HACE1: variants seen among roughly 807,000 people sequenced by gnomAD.
HACE1 encodes the protein HECT domain and ankyrin repeat containing E3 ubiquitin protein ligase 1, also known as E3 ubiquitin-protein ligase HACE1.
Under a neutral mutation model 118.4 loss-of-function variants are expected in HACE1, and 73 were observed. The observed-to-expected ratio is 0.62, with a 90% confidence interval of 0.51 to 0.75. The LOEUF (loss-of-function observed/expected upper bound fraction) is 0.75, where lower values mean the gene tolerates loss of function less well. Among genes scored for constraint, HACE1 ranks in the 30% least tolerant of loss-of-function variants. The pLI, the probability that HACE1 is intolerant of heterozygous loss-of-function variation, is 0.00. For synonymous variants in HACE1, 368 were observed against 374.8 expected (o/e 0.98, Z 0.21); for missense variants, 749 against 1,102.2 (o/e 0.68, Z 4.54).
chr6:104,744,577 C>T lies in HACE1; in HGVS notation c.2377G>A (p.Val793Met). 6.2e-7 allele frequency: 1 copy of T among 1,604,906 alleles called. No individual in the cohort carries two copies. The highest frequency in any genetic ancestry group is 8.5e-7 in the Non-Finnish European group (1 of 1,171,800). ...TCTGTATTTTTTATCCAATCACTCA[C>T]ATCAATTTCTGGCATGCCAGAAAGC... is the stretch of plus-strand genomic sequence containing the variant. ...LLLSGMPEID[V>M]SDWIKNTEYT... The change falls in exon 21 of 24, where the codon GTG (valine) becomes ATG (methionine). Residue 793 changes from valine to methionine, a missense_variant. Physicochemically the swap from Val to Met is conservative, Grantham distance 21 (BLOSUM62 1). Around this residue, in one of 5 missense-constraint regions of HACE1, gnomAD observed 165 missense variants for 229.9 expected, o/e 0.72. Coordinates refer to ENST00000262903, the MANE Select transcript of HACE1 (RefSeq NM_020771.4).
chr6:104,784,635 G>A, intron 12 of HACE1, 150 bp from the exon 13 acceptor site: 1 of 626,644 alleles, frequency 1.6e-6, no homozygotes, highest in Non-Finnish European at 2.8e-6. Context: ...TTAGGAAACT[G>A]AAGTATGCCT....
intron 6 of HACE1, among the ~76,000 whole-genome samples, chr6:104,829,547 A>C (rs1773653736): frequency 6.6e-6 from 1 of 152,188 alleles, no homozygotes; most frequent in African/African-American, 2.4e-5. Flanking sequence ...GATTCAGAAA[A>C]TAATCAGTGC....
At chr6:104,817,617 G>A (rs1402009793) in intron 6 of HACE1, among the ~76,000 whole-genome samples, 1 of 152,184 alleles carries the variant, frequency 6.6e-6, no homozygotes. Flanking sequence ...AGATGGAACT[G>A]ATAAACTATC....
At chr6:104,764,462 T>C (rs1008870981) in intron 19 of HACE1, among the ~76,000 whole-genome samples, 5 of 152,220 alleles carry the variant, frequency 3.3e-5, no homozygotes, top group Non-Finnish European at 7.3e-5. Flanking sequence ...GTCATTCTGC[T>C]GGATGGATTT....
chr6:104,783,125 G>A (rs1356748880), intron 14 of HACE1, among the ~76,000 whole-genome samples: 2 of 151,932 alleles, frequency 1.3e-5, no homozygotes, highest in East Asian at 1.9e-4. Context: ...CATACTTTTC[G>A]GTCTACATGC....
chr6:104,800,165 G>A (rs994830355), intron 7 of HACE1, among the ~76,000 whole-genome samples: 1 of 152,092 alleles, frequency 6.6e-6, no homozygotes, highest in Admixed American at 6.6e-5. Context: ...GGGGGTAGGG[G>A]CATCTGCCAT....
chr6:104,736,660 C>G (rs1355897369), intron 22 of HACE1, among the ~76,000 whole-genome samples: 2 of 152,046 alleles, frequency 1.3e-5, no homozygotes, highest in Non-Finnish European at 2.9e-5. Context: ...GTAATAATTC[C>G]TCGTTTTAGT....
chr6:104,742,750 G>T (rs967792064), intron 22 of HACE1, among the ~76,000 whole-genome samples: 1 of 151,962 alleles, frequency 6.6e-6, no homozygotes, highest in African/African-American at 2.4e-5. Context: ...GGAAGTCAGT[G>T]TGGCGATTCC....
intron 10 of HACE1, among the ~76,000 whole-genome samples, chr6:104,793,081 C>T (rs1460328630): frequency 6.6e-6 from 1 of 151,970 alleles, no homozygotes; most frequent in East Asian, 1.9e-4. Context: ...ATCCTGGCTA[C>T]ACAGTGAAAC....
intron 7 of HACE1, among the ~76,000 whole-genome samples, chr6:104,802,528 T>G (rs1449091643): frequency 1.3e-5 from 2 of 152,216 alleles, no homozygotes; most frequent in African/African-American, 2.4e-5. Context: ...CAGAGCACAG[T>G]GCAATCAAAC....
intron 6 of HACE1, among the ~76,000 whole-genome samples, chr6:104,825,506 C>T (rs1225534411): frequency 6.6e-6 from 1 of 152,164 alleles, no homozygotes; most frequent in Non-Finnish European, 1.5e-5. Flanking sequence ...GGACTGAGGG[C>T]CAAGTCTTCA....
chr6:104,776,004 T>A (rs900660291), intron 17 of HACE1, among the ~76,000 whole-genome samples: 1 of 152,222 alleles, frequency 6.6e-6, no homozygotes, highest in South Asian at 2.1e-4. Context: ...ATGTCTTTAT[T>A]AAGTTAGAGA....
Position 104,852,103 on chromosome 6 carries a change from T to C in HACE1, c.131+214A>G, listed in dbSNP as rs569730161. 3.3e-5 allele frequency among the ~76,000 whole-genome samples: 5 copies of C among 152,312 alleles called. No homozygotes were observed. In the South Asian group the frequency reaches 8.3e-4, roughly 25 times the overall value. On this transcript the variant is annotated intron_variant, in intron 2 of 23. Transcript: ENST00000262903. ...ATCTATCATAAAATGTTACAGCTCA[T>C]ATAGATCTTGGAAAATCTTATTCCT... is the stretch of plus-strand genomic sequence containing the variant.
At chr6:104,743,484 G>C (rs2114505160) in intron 22 of HACE1, among the ~76,000 whole-genome samples, 1 of 151,712 alleles carries the variant, frequency 6.6e-6, no homozygotes, top group African/African-American at 2.4e-5. Context: ...TTTCCTAGGA[G>C]AAATATGTAC....
intron 19 of HACE1, among the ~76,000 whole-genome samples, chr6:104,767,511 T>C (rs772131070): frequency 5.9e-5 from 9 of 152,206 alleles, no homozygotes; most frequent in Non-Finnish European, 1.3e-4. Flanking sequence ...CACTCCAAGC[T>C]GAGTTTGGTT....
intron 9 of HACE1, among the ~76,000 whole-genome samples, chr6:104,796,020 C>G (rs769536420): frequency 3.9e-5 from 6 of 152,164 alleles, no homozygotes; most frequent in Non-Finnish European, 8.8e-5. Context: ...AAACACATAG[C>G]TGAGTAAACT....
At chr6:104,820,611 G>C (rs979346739) in intron 6 of HACE1, among the ~76,000 whole-genome samples, 2 of 152,186 alleles carry the variant, frequency 1.3e-5, no homozygotes, top group African/African-American at 4.8e-5. Context: ...CTGATCATTA[G>C]AGAAATGCAA....
intron 5 of HACE1, among the ~76,000 whole-genome samples, chr6:104,834,393 A>G (rs963444977): frequency 1.3e-5 from 2 of 152,238 alleles, no homozygotes; most frequent in Non-Finnish European, 2.9e-5. Context: ...TCTTACATAA[A>G]TAAAGGAGGG....
intron 3 of HACE1, 36 bp downstream of exon 3, chr6:104,850,871 A>T: frequency 8.4e-7 from 1 of 1,192,130 alleles, no homozygotes; most frequent in Non-Finnish European, 1.3e-6. Context: ...TCCTTGCCCT[A>T]GATCAGAGTT....
Sources: gnomAD v4.1 joint callset for allele counts (sites outside exome capture counted in the v4.1 genomes callset) on GRCh38, gnomAD v4.1.1 for gene constraint, gnomAD v4.1.1 regional missense constraint, MANE v1.5 for transcripts, NCBI Gene and HGNC (gene_info 2026-07-23, HGNC 2026-07-21) for gene names.